MALRD1: variants seen among roughly 807,000 people sequenced by gnomAD.
MALRD1 encodes MAM and LDL-receptor class A domain-containing protein 1.
In MALRD1, 247 loss-of-function variants were observed where a neutral mutation model predicts 242.1. The ratio of observed to expected loss-of-function variants is 1.02; its 90% CI spans 0.92 to 1.13. MALRD1 has a LOEUF of 1.13. Ranked by LOEUF, MALRD1 falls within the 50% of genes most tolerant of loss-of-function variation. The pLI, the probability that MALRD1 is intolerant of heterozygous loss-of-function variation, is 0.00. For synonymous variants in MALRD1, 995 were observed against 866.6 expected (o/e 1.15, Z -2.60); for missense variants, 2,989 against 2,533.1 (o/e 1.18, Z -3.86).
At chr10:19,205,349 AC>A in intron 17 of MALRD1, 84 bp downstream of exon 17, 1 of 1,421,402 alleles carries the variant, frequency 7.0e-7, no homozygotes, top group Non-Finnish European at 9.3e-7. Flanking sequence ...TGCCAATCAA[AC>A]CGATAACAGT....
At position 19,478,847 on chromosome 10, in the gene MALRD1, C is replaced by T. The variant is rs572587955; in HGVS notation, c.5030-12670C>T. On this transcript the variant is annotated intron_variant, in intron 29 of 39. Transcript: ENST00000454679. Reference sequence around the variant, plus strand: ...TCTTGGGCAATGACAATAATTATCACACAGGCTATTTATCCTCTGAATGAT... The same window carrying T: ...TCTTGGGCAATGACAATAATTATCATACAGGCTATTTATCCTCTGAATGAT... Among the ~76,000 whole-genome samples the T allele has an allele frequency of 1.3e-4, 20 of 152,336 alleles. No individual in the cohort carries two copies. In the South Asian group the frequency reaches 3.9e-3, roughly 30 times the overall value.
At position 19,491,621 on chromosome 10, in the gene MALRD1, G is replaced by T; in HGVS notation, c.5134G>T (p.Asp1712Tyr). ...TTGTGACTATAAGCCAGACTGCTCT[G>T]ATAGGTCTGATGAAGCTCACTGTGG... is the stretch of plus-strand genomic sequence containing the variant. The part of the protein sequence containing the change: ...LLCDYKPDCS[D>Y]RSDEAHCAHY... The change falls in exon 30 of 40, where the codon GAT becomes TAT. Residue 1712 changes from aspartate to tyrosine, a missense_variant. Physicochemically the swap from Asp to Tyr is radical, Grantham distance 160. Transcript: ENST00000454679. 1 of 1,549,750 alleles carries T rather than the reference G, an allele frequency of 6.5e-7. No individual in the cohort carries two copies. Among genetic ancestry groups the T allele is most frequent in the Non-Finnish European group, 8.7e-7 (1 of 1,146,730 alleles).
rs560613050 is a variant in MALRD1 at position 19,165,286 on chromosome 10, G to T, written c.1657-351G>T. The stretch of plus-strand genomic sequence containing the variant: ...ATATATTTTGTTTTGTTTTGTTTTT[G>T]TTTTGTTTTGTTTTGTTTTGTTTTG... On this transcript the variant is annotated intron_variant, in intron 12 of 39. Coordinates refer to ENST00000454679, the MANE Select transcript of MALRD1 (RefSeq NM_001142308.3). 1.5e-3 allele frequency among the ~76,000 whole-genome samples: 141 copies of T among 91,460 alleles called. 1 individual carries two copies. Among genetic ancestry groups the T allele is most frequent in the South Asian group, 0.015 (37 of 2,438 alleles). 60.0% of individuals were successfully genotyped at this position (91,460 alleles called of 152,430 possible).
intron 28 of MALRD1, among the ~76,000 whole-genome samples, chr10:19,445,165 T>A (rs962413112): frequency 1.8e-4 from 28 of 152,310 alleles, no homozygotes; most frequent in Admixed American, 1.4e-3. Context: ...ACCAGGTCAT[T>A]TAAGGTCTTA....
chr10:19,393,232 T>C (rs1374627495), intron 28 of MALRD1, among the ~76,000 whole-genome samples: 1 of 152,136 alleles, frequency 6.6e-6, no homozygotes, highest in African/African-American at 2.4e-5. Context: ...ATATTTCTCA[T>C]TTTTCATTTT....
intron 4 of MALRD1, among the ~76,000 whole-genome samples, chr10:19,100,286 CT>C (rs1249942459): frequency 6.6e-6 from 1 of 152,136 alleles, no homozygotes; most frequent in Non-Finnish European, 1.5e-5. Context: ...TCCTGCTAGG[CT>C]AGGGGACTCA....
intron 24 of MALRD1, among the ~76,000 whole-genome samples, chr10:19,345,323 T>C (rs1844067979): frequency 6.6e-6 from 1 of 152,206 alleles, no homozygotes; most frequent in South Asian, 2.1e-4. Flanking sequence ...CTCTAGATGC[T>C]GCTCTATATG....
At chr10:19,673,487 A>G (rs938447098) in intron 36 of MALRD1, among the ~76,000 whole-genome samples, 2 of 152,016 alleles carry the variant, frequency 1.3e-5, no homozygotes, top group Non-Finnish European at 2.9e-5. Context: ...AGCACCATAT[A>G]CTCTTATATT....
intron 36 of MALRD1, among the ~76,000 whole-genome samples, chr10:19,666,945 G>A (rs904183287): frequency 3.3e-5 from 5 of 152,146 alleles, no homozygotes; most frequent in African/African-American, 1.2e-4. Context: ...TATCAATGAG[G>A]AGCAAATGCA....
chr10:19,629,801 G>A (rs1293100714), intron 36 of MALRD1, among the ~76,000 whole-genome samples: 8 of 152,140 alleles, frequency 5.3e-5, no homozygotes, highest in Non-Finnish European at 1.2e-4. Flanking sequence ...CAGTGGCCCT[G>A]GAACGGCTGG....
intron 18 of MALRD1, among the ~76,000 whole-genome samples, chr10:19,231,659 CT>C (rs1838081241): frequency 6.6e-6 from 1 of 152,154 alleles, no homozygotes; most frequent in Non-Finnish European, 1.5e-5. Flanking sequence ...GCCTTTGCTT[CT>C]TTTTTGCCTT....
chr10:19,312,400 A>ATATATATATG lies in MALRD1; in HGVS notation c.3420-11548_3420-11547insATATATATGT, dbSNP rs1491220851. 5.3e-3 allele frequency among the ~76,000 whole-genome samples: 765 copies of ATATATATATG among 143,598 alleles called. 6 individuals are homozygous for ATATATATATG. The highest frequency in any genetic ancestry group is 0.019 in the African/African-American group (734 of 38,676). The allele number at this position is 143,598 out of a possible 152,430, so 94.2% of individuals were successfully genotyped here. On this transcript the variant is annotated intron_variant, in intron 21 of 39. Coordinates refer to ENST00000454679, the MANE Select transcript of MALRD1 (RefSeq NM_001142308.3). The stretch of plus-strand genomic sequence containing the variant: ...TGTGTATATATATATATATATATAT[A>ATATATATATG]TGTGTATATGTGTGTGTGTGTGTGT...
chr10:19,350,567 G>A (rs756190547), intron 25 of MALRD1, among the ~76,000 whole-genome samples: 4 of 151,996 alleles, frequency 2.6e-5, no homozygotes, highest in African/African-American at 7.2e-5. Flanking sequence ...GTGAGCCACC[G>A]TGCCTGCCAA....
intron 26 of MALRD1, among the ~76,000 whole-genome samples, chr10:19,366,500 C>T (rs1845116206): frequency 6.6e-6 from 1 of 152,122 alleles, no homozygotes; most frequent in Non-Finnish European, 1.5e-5. Flanking sequence ...TGGACTGGTA[C>T]CAGTCTGTGG....
chr10:19,248,941 TATA>T (rs1489373858), intron 18 of MALRD1, among the ~76,000 whole-genome samples: 2 of 147,036 alleles, frequency 1.4e-5, no homozygotes, highest in Non-Finnish European at 3.0e-5. Flanking sequence ...ATTATATATT[TATA>T]ATATAAATTA....
At chr10:19,114,297 G>C (rs1836793495) in intron 5 of MALRD1, among the ~76,000 whole-genome samples, 1 of 152,130 alleles carries the variant, frequency 6.6e-6, no homozygotes, top group African/African-American at 2.4e-5. Flanking sequence ...CAGAAATATT[G>C]TATTTAGAAA....
chr10:19,646,692 A>G (rs1315553756), intron 36 of MALRD1, among the ~76,000 whole-genome samples: 2 of 152,166 alleles, frequency 1.3e-5, no homozygotes, highest in Non-Finnish European at 2.9e-5. Context: ...GGAGGTAAGT[A>G]CTGTTTATCT....
At chr10:19,299,720 C>T (rs534196101) in intron 21 of MALRD1, among the ~76,000 whole-genome samples, 47 of 151,874 alleles carry the variant, frequency 3.1e-4, no homozygotes, top group African/African-American at 1.1e-3. Context: ...AGGAACATAC[C>T]TCAAAATAAC....
chr10:19,354,236 T>C (rs1844523092), intron 26 of MALRD1, among the ~76,000 whole-genome samples: 1 of 152,094 alleles, frequency 6.6e-6, no homozygotes, highest in Non-Finnish European at 1.5e-5. Flanking sequence ...TAAATACAAA[T>C]TAAGGGCACA....
Sources: allele counts gnomAD v4.1 joint callset (sites outside exome capture counted in the v4.1 genomes callset), GRCh38; gene constraint gnomAD v4.1.1; transcripts MANE v1.5; gene names NCBI Gene and HGNC (gene_info 2026-07-23, HGNC 2026-07-21).